Variants in AGAP1 observed in about 807,000 individuals in gnomAD.
AGAP1 encodes ArfGAP with GTPase domain, ankyrin repeat and PH domain 1, also known as arf-GAP with GTPase, ANK repeat and PH domain-containing protein 1.
A neutral mutation model predicts 105.3 loss-of-function variants in AGAP1; 29 were observed. The ratio of observed to expected loss-of-function variants is 0.28; its 90% CI spans 0.21 to 0.38. The LOEUF (loss-of-function observed/expected upper bound fraction) is 0.38. Among genes scored for constraint, AGAP1 ranks in the 10% least tolerant of loss-of-function variants. The pLI, the probability that AGAP1 is intolerant of heterozygous loss-of-function variation, is 1.00. For synonymous variants in AGAP1, 509 were observed against 485.9 expected (o/e 1.05, Z -0.63); for missense variants, 998 against 1,165.1 (o/e 0.86, Z 2.09).
At chr2:235,803,837 C>G (rs946101263) in intron 8 of AGAP1, among the ~76,000 whole-genome samples, 16 of 152,112 alleles carry the variant, frequency 1.1e-4, no homozygotes, top group African/African-American at 3.6e-4. Context: ...TAATCAAACA[C>G]TGAGTTATAT....
Position 236,051,429 on chromosome 2 carries a change from A to ACTGGAGAAATGGCATCTGAG in AGAP1, c.2114+2154_2114+2173dup, listed in dbSNP as rs1229696916. On this transcript the variant is annotated intron_variant, in intron 16 of 17. Coordinates refer to ENST00000304032, the MANE Select transcript of AGAP1 (RefSeq NM_001037131.3). This position sits in a 1 kb window ranked among gnomAD's most constrained non-coding sequence, Gnocchi z 5.9. Reference sequence around the variant, plus strand: ...GGGAGGGTGCATTCTGGGAGGTGTCACTGGAGAAATGGCATCTGAGCTGGA... The same window carrying ACTGGAGAAATGGCATCTGAG: ...GGGAGGGTGCATTCTGGGAGGTGTCACTGGAGAAATGGCATCTGAGCTGGAGAAATGGCATCTGAGCTGGA... Among the ~76,000 whole-genome samples, 7 of 152,106 alleles carry ACTGGAGAAATGGCATCTGAG rather than the reference A, an allele frequency of 4.6e-5. No homozygotes were observed.
At chr2:236,019,644 G>C (rs2056825371) in intron 13 of AGAP1, among the ~76,000 whole-genome samples, 2 of 152,210 alleles carry the variant, frequency 1.3e-5, no homozygotes, top group South Asian at 2.1e-4. Context: ...ACCTGGACGG[G>C]GCTTAGTACA....
At chr2:235,554,962 G>A (rs1943927746) in intron 1 of AGAP1, among the ~76,000 whole-genome samples, 1 of 152,198 alleles carries the variant, frequency 6.6e-6, no homozygotes, top group African/African-American at 2.4e-5. Context: ...GAGCCACGGT[G>A]CCTGGCCAGA....
At chr2:235,497,197 C>T (rs1941355026) in intron 1 of AGAP1, among the ~76,000 whole-genome samples, 1 of 152,118 alleles carries the variant, frequency 6.6e-6, no homozygotes, top group South Asian at 2.1e-4. Flanking sequence ...GGGATAATGA[C>T]CTCCTTAACA....
At chr2:236,037,035 T>C (rs777698061) in intron 14 of AGAP1, among the ~76,000 whole-genome samples, 6 of 152,152 alleles carry the variant, frequency 3.9e-5, no homozygotes, top group Non-Finnish European at 7.4e-5. Flanking sequence ...TTGGACAGAA[T>C]ACACTCAGAA....
At chr2:235,978,856 G>A (rs1559718538) in intron 13 of AGAP1, among the ~76,000 whole-genome samples, 1 of 152,036 alleles carries the variant, frequency 6.6e-6, no homozygotes, top group Non-Finnish European at 1.5e-5. Context: ...GAGGCCTGTT[G>A]TGTTGTGGTA....
rs1220803631 is a variant in AGAP1, at chr2:236,126,645, C to G, written c.*2523C>G. On this transcript the variant is annotated 3_prime_UTR_variant, in exon 18 of 18. Transcript: ENST00000304032. ...CCCAGCACAAGCTGCCATGACTCCC[C>G]CTCAGAAAACACAGCCCCTCCTCTA... The G allele has an allele frequency of 3.3e-5, 5 of 152,204 alleles. No homozygotes were observed. The highest frequency in any genetic ancestry group is 2.6e-4 in the Admixed American group (4 of 15,284). 9.4% of individuals were successfully genotyped at this position (152,204 alleles called of 1,614,324 possible).
chr2:236,111,410 A>T (rs961169979), intron 16 of AGAP1, among the ~76,000 whole-genome samples: 2 of 151,968 alleles, frequency 1.3e-5, no homozygotes, highest in East Asian at 3.9e-4. Flanking sequence ...CAACTGCTCA[A>T]GGGGCTGAGG....
chr2:235,706,637 C>A (rs11692525), intron 1 of AGAP1, among the ~76,000 whole-genome samples: 5,116 of 152,272 alleles, frequency 0.034, 117 homozygotes, highest in Non-Finnish European at 0.056. Flanking sequence ...AGCCTGGGGA[C>A]TTGGGGAATC....
chr2:235,803,132 GGTGATGGTGATGGTC>G (rs1328907222), intron 8 of AGAP1, among the ~76,000 whole-genome samples: 3 of 140,904 alleles, frequency 2.1e-5, no homozygotes, highest in East Asian at 4.2e-4. Context: ...TGATGGTTGT[GGTGATGGTGATGGTC>G]ATGATGGTGA....
chr2:236,060,447 G>A (rs1029822136), intron 16 of AGAP1, among the ~76,000 whole-genome samples: 6 of 152,164 alleles, frequency 3.9e-5, no homozygotes, highest in African/African-American at 1.4e-4. Flanking sequence ...CTAGCACTTT[G>A]GGAGGCCAAG....
intron 16 of AGAP1, among the ~76,000 whole-genome samples, chr2:236,057,426 G>A (rs1018607934): frequency 2.6e-5 from 4 of 152,142 alleles, no homozygotes; most frequent in African/African-American, 9.7e-5. Flanking sequence ...GACCTTACAA[G>A]TCACACAGCC....
rs2055437521 is a variant in AGAP1 at position 235,988,924 on chromosome 2, A to G, written c.1645+20301A>G. Among the ~76,000 whole-genome samples, 1 of 152,102 alleles carries G rather than the reference A, an allele frequency of 6.6e-6. No individual in the cohort carries two copies. Among genetic ancestry groups the G allele is most frequent in the Admixed American group, 6.5e-5 (1 of 15,270 alleles). ...TTTGCCTGGGTGCTGGTGATCCTCC[A>G]GTTCTCACACACCTGCACCTTGGGG... On this transcript the variant is annotated intron_variant, in intron 13 of 17. Coordinates refer to ENST00000304032, the MANE Select transcript of AGAP1 (RefSeq NM_001037131.3). This position sits in a 1 kb window ranked among gnomAD's most constrained non-coding sequence, Gnocchi z 4.7.
rs1025894883 is a variant in AGAP1, at chr2:236,128,318, T to TCC, written c.*4198_*4199dup. The TCC allele has an allele frequency of 6.6e-5, 10 of 152,482 alleles. No individual in the cohort carries two copies. Among genetic ancestry groups the TCC allele is most frequent in the African/African-American group, 2.4e-4 (10 of 41,532 alleles). The allele number at this position is 152,482 out of a possible 1,614,324, so 9.4% of individuals were successfully genotyped here. The stretch of plus-strand genomic sequence containing the variant: ...TGCTGATCAGGGCCAAGACGACCCT[T>TCC]CCCTCTCCCCCACAGCCTGTTGAGG... On this transcript the variant is annotated 3_prime_UTR_variant, in exon 18 of 18. Coordinates refer to ENST00000304032, the MANE Select transcript of AGAP1 (RefSeq NM_001037131.3). The surrounding 1 kb of genome is among the most constrained non-coding windows in gnomAD (Gnocchi z 5.9).
rs1054745243 is a variant in AGAP1, at chr2:236,126,955, G to C, written c.*2833G>C. 3.9e-5 allele frequency: 6 copies of C among 152,228 alleles called. No homozygotes were observed. The highest frequency in any genetic ancestry group is 8.8e-5 in the Non-Finnish European group (6 of 68,078). 9.4% of individuals were successfully genotyped at this position (152,228 alleles called of 1,614,324 possible). A position where few individuals can be genotyped will look rare whatever the true frequency, so the allele number is the denominator to read the frequency against. On this transcript the variant is annotated 3_prime_UTR_variant, in exon 18 of 18. Coordinates refer to ENST00000304032, the MANE Select transcript of AGAP1 (RefSeq NM_001037131.3). ...ATAACTCGTTTGAGAAGGGGGTGGA[G>C]TTTTCGTTGTTCATTTCCATGTTCA...
In AGAP1 at chr2:235,744,920, C is replaced by G; in HGVS notation, c.538+81C>G. On this transcript the variant is annotated intron_variant, in intron 5 of 17. Transcript: ENST00000304032. This position sits in a 1 kb window ranked among gnomAD's most constrained non-coding sequence, Gnocchi z 5.2. ...TCAGTATGGAGGAGTTTAAAAAATG[C>G]TTTAAAGAAGGAAAAATTGCCTACT... 1.2e-5 allele frequency: 19 copies of G among 1,520,266 alleles called. No individual in the cohort carries two copies. Among genetic ancestry groups the G allele is most frequent in the Non-Finnish European group, 1.6e-5 (18 of 1,127,750 alleles). 94.2% of individuals were successfully genotyped at this position (1,520,266 alleles called of 1,614,324 possible).
intron 16 of AGAP1, among the ~76,000 whole-genome samples, chr2:236,094,734 T>C (rs1018454663): frequency 6.6e-6 from 1 of 151,972 alleles, no homozygotes; most frequent in Non-Finnish European, 1.5e-5. Flanking sequence ...TGTATGTAAG[T>C]GCATACAGAA....
intron 1 of AGAP1, among the ~76,000 whole-genome samples, chr2:235,589,201 T>TTG (rs1271077824): frequency 3.0e-5 from 3 of 98,950 alleles, no homozygotes; most frequent in African/African-American, 1.4e-4. Context: ...TTTGTTTTTT[T>TTG]TTTTTTTTTT....
intron 1 of AGAP1, among the ~76,000 whole-genome samples, chr2:235,640,933 G>C (rs559205793): frequency 1.8e-4 from 28 of 152,220 alleles, no homozygotes; most frequent in Non-Finnish European, 3.5e-4. Flanking sequence ...AGTGCTGGCT[G>C]CTCCACCTGT....
Sources: allele counts gnomAD v4.1 joint callset (sites outside exome capture counted in the v4.1 genomes callset), GRCh38; gene constraint gnomAD v4.1.1; non-coding constraint Gnocchi (gnomAD v3.1); transcripts MANE v1.5; gene names NCBI Gene and HGNC (gene_info 2026-07-23, HGNC 2026-07-21).